The following ANKRD52 variants were observed in gnomAD, a reference collection of about 807,000 sequenced individuals.
ANKRD52 encodes the protein ankyrin repeat domain 52, also known as serine/threonine-protein phosphatase 6 regulatory ankyrin repeat subunit C.
A neutral mutation model predicts 116.0 loss-of-function variants in ANKRD52; 7 were observed. That is an observed-to-expected ratio of 0.06 (90% CI 0.03 to 0.11). ANKRD52 has a LOEUF of 0.11. Among genes scored for constraint, ANKRD52 ranks in the 10% least tolerant of loss-of-function variants. The pLI, the probability that ANKRD52 is intolerant of heterozygous loss-of-function variation, is 1.00. For synonymous variants in ANKRD52, 528 were observed against 578.1 expected (o/e 0.91, Z 1.24); for missense variants, 839 against 1,408.6 (o/e 0.60, Z 6.47).
Position 56,244,942 on chromosome 12 carries a change from C to T in ANKRD52, c.2540G>A (p.Gly847Asp), listed in dbSNP as rs553730484. 6.2e-7 allele frequency: 1 copy of T among 1,613,916 alleles called. No individual in the cohort carries two copies. The highest frequency in any genetic ancestry group is 1.3e-5 in the African/African-American group (1 of 74,996). Residue 847 changes from glycine (G) to aspartate (D), a missense_variant, in exon 23 of 28, where the codon GGT becomes GAT. Physicochemically the swap from Gly to Asp is moderately conservative, Grantham distance 94. Around this residue, in one of 2 missense-constraint regions of ANKRD52, gnomAD observed 552 missense variants for 810.6 expected, o/e 0.68. Transcript: ENST00000267116. The surrounding 1 kb of genome is among the most constrained non-coding windows in gnomAD (Gnocchi z 4.9). ...STTEMLLGAL[G>D]AKIVNSRDAK... is the part of the protein sequence containing the mutation. ...ATCTCGGCTGTTCACAATCTTGGCA[C>T]CCAGAGCTCCCAGTAGCATCTCTGT...
chr12:56,251,980 G>A (rs747201015), intron 15 of ANKRD52, 35 bp downstream of exon 15: 144 of 1,603,730 alleles, frequency 9.0e-5, no homozygotes, highest in Middle Eastern at 2.2e-4. Flanking sequence ...ATGGGTTGGG[G>A]AAAGCACATC....
At chr12:56,249,884 C>G (rs371493629) in intron 15 of ANKRD52, among the ~76,000 whole-genome samples, 4 of 152,138 alleles carry the variant, frequency 2.6e-5, no homozygotes, top group South Asian at 2.1e-4. Context: ...TACTAAAATA[C>G]AAAAAATTAG....
intron 20 of ANKRD52, 73 bp downstream of exon 20, chr12:56,247,420 C>T: frequency 8.0e-7 from 1 of 1,249,212 alleles, no homozygotes; most frequent in Non-Finnish European, 1.1e-6. Flanking sequence ...AATTGGATTC[C>T]CTACTGCTGG....
chr12:56,251,948 G>C (rs201386947), intron 15 of ANKRD52, 67 bp downstream of exon 15: 1 of 1,532,710 alleles, frequency 6.5e-7, no homozygotes, highest in Non-Finnish European at 9.0e-7. Flanking sequence ...TTAGGTAGGA[G>C]GACAGTAGGG....
At chr12:56,251,876 G>A (rs938146456) in intron 15 of ANKRD52, 139 bp downstream of exon 15, 1 of 875,140 alleles carries the variant, frequency 1.1e-6, no homozygotes, top group African/African-American at 1.7e-5. Flanking sequence ...TACACCCAGA[G>A]GGCTCAAGAC....
chr12:56,247,513 G>A lies in ANKRD52; in HGVS notation c.2164C>T (p.Arg722Cys), dbSNP rs1354066812. The A allele has an allele frequency of 7.6e-6, 12 of 1,586,450 alleles. No individual in the cohort carries two copies. The highest frequency in any genetic ancestry group is 2.7e-5 in the African/African-American group (2 of 74,438). Reference protein sequence around the residue: ...STADAADLRGRTALHRGAVTG... With the variant: ...STADAADLRGCTALHRGAVTG... ...CTCACCCCGCGGTGGAGGGCAGTGC[G>A]GCCCCGGAGGTCAGCAGCATCAGCT... is the stretch of plus-strand genomic sequence containing the variant. The change falls in exon 20 of 28, where the codon CGC (arginine) becomes TGC (cysteine). Residue 722 changes from arginine to cysteine, a missense_variant. Physicochemically the swap from Arg to Cys is radical, Grantham distance 180. This residue lies in a region of ANKRD52 where 552 missense variants were observed against 810.6 expected (regional missense o/e 0.68). Transcript: ENST00000267116.
rs577909237 is a variant in ANKRD52, at chr12:56,251,160, C to T, written c.1592+855G>A. On this transcript the variant is annotated intron_variant, in intron 15 of 27. Coordinates refer to ENST00000267116, the MANE Select transcript of ANKRD52 (RefSeq NM_173595.4). The stretch of plus-strand genomic sequence containing the variant: ...TTCACCACGTTGGCCAGGCTGGTCT[C>T]GAACTCCTGACCTCAGATGATCTGC... Among the ~76,000 whole-genome samples the T allele has an allele frequency of 9.3e-5, 14 of 151,074 alleles. No homozygotes were observed. The South Asian group carries it at 1.7e-3, about 18-fold the overall frequency.
chr12:56,254,405 AC>A lies in ANKRD52; in HGVS notation c.694-127del. 7.1e-7 allele frequency: 1 copy of A among 1,413,134 alleles called. No homozygotes were observed. Among genetic ancestry groups the A allele is most frequent in the Non-Finnish European group, 9.7e-7 (1 of 1,035,276 alleles). 87.5% of individuals were successfully genotyped at this position (1,413,134 alleles called of 1,614,324 possible). On this transcript the variant is annotated intron_variant, in intron 7 of 27. Transcript: ENST00000267116. The surrounding 1 kb of genome is among the most constrained non-coding windows in gnomAD (Gnocchi z 4.6). The stretch of plus-strand genomic sequence containing the variant: ...TCCTCTCGGGTTTATGACCCAAGGT[AC>A]TAAGGTACTAAGGGCACTATGGCTA...
At chr12:56,258,028 C>G (rs1187579307) in intron 1 of ANKRD52, 117 bp from the exon 2 acceptor site, 5 of 1,303,476 alleles carry the variant, frequency 3.8e-6, no homozygotes, top group Middle Eastern at 2.1e-4. Context: ...GGGCTCCACT[C>G]TAGGGATTCT....
chr12:56,253,875 C>A lies in ANKRD52; in HGVS notation c.907-75G>T. 1 of 1,501,554 alleles carries A rather than the reference C, an allele frequency of 6.7e-7. No individual in the cohort carries two copies. The allele number at this position is 1,501,554 out of a possible 1,614,324, so 93.0% of individuals were successfully genotyped here. A position where few individuals can be genotyped will look rare whatever the true frequency, so the allele number is the denominator to read the frequency against. ...GCACAGAGAATGCCCTACCTCCCTT[C>A]CAAGGACATATCTCTAAGGACAAAA... is the stretch of plus-strand genomic sequence containing the variant. On this transcript the variant is annotated intron_variant, in intron 8 of 27. Coordinates refer to ENST00000267116, the MANE Select transcript of ANKRD52 (RefSeq NM_173595.4). The surrounding 1 kb of genome is among the most constrained non-coding windows in gnomAD (Gnocchi z 5.5).
rs767864882 is a variant in ANKRD52, at chr12:56,247,514, G to A, written c.2163C>T (p.Gly721=). 10 of 1,587,128 alleles carry A rather than the reference G, an allele frequency of 6.3e-6. No individual in the cohort carries two copies. In the Middle Eastern group the frequency reaches 6.7e-4, roughly 107 times the overall value. ...GSTADAADLR[G]RTALHRGAVT... is the part of the protein sequence containing the mutation. ...TCACCCCGCGGTGGAGGGCAGTGCG[G>A]CCCCGGAGGTCAGCAGCATCAGCTG... Residue 721 remains glycine (G), a synonymous_variant, in exon 20 of 28, where the codon GGC becomes GGT. Transcript: ENST00000267116.
At position 56,243,954 on chromosome 12, in the gene ANKRD52, C is replaced by G. The variant is rs1871280217; in HGVS notation, c.2889-78G>C. On this transcript the variant is annotated intron_variant, in intron 26 of 27. Coordinates refer to ENST00000267116, the MANE Select transcript of ANKRD52 (RefSeq NM_173595.4). The surrounding 1 kb of genome is among the most constrained non-coding windows in gnomAD (Gnocchi z 4.6). Reference sequence around the variant, plus strand: ...CAGACAGGGTGGCAAGGGTGCTGAACAAATACAATGGGCTCCAGAGAGCCT... The same window carrying G: ...CAGACAGGGTGGCAAGGGTGCTGAAGAAATACAATGGGCTCCAGAGAGCCT... The G allele has an allele frequency of 1.2e-6, 2 of 1,602,520 alleles. No homozygotes were observed. The highest frequency in any genetic ancestry group is 1.7e-6 in the Non-Finnish European group (2 of 1,172,674).
chr12:56,242,798 G>C lies in ANKRD52; in HGVS notation c.*344C>G. 1 of 281,852 alleles carries C rather than the reference G, an allele frequency of 3.5e-6. No individual in the cohort carries two copies. Among genetic ancestry groups the C allele is most frequent in the African/African-American group, 2.2e-5 (1 of 46,510 alleles). 17.5% of individuals were successfully genotyped at this position (281,852 alleles called of 1,614,324 possible). ...CAGGGGAGAAGGGGGACACAGAGAG[G>C]AGTCCCCAGGGAAGAGTCGGGGGAG... On this transcript the variant is annotated 3_prime_UTR_variant, in exon 28 of 28. Coordinates refer to ENST00000267116, the MANE Select transcript of ANKRD52 (RefSeq NM_173595.4). The surrounding 1 kb of genome is among the most constrained non-coding windows in gnomAD (Gnocchi z 4.3).
Position 56,257,277 on chromosome 12 carries a change from T to C in ANKRD52, c.190+6A>G. 1 of 1,589,782 alleles carries C rather than the reference T, an allele frequency of 6.3e-7. No individual in the cohort carries two copies. The highest frequency in any genetic ancestry group is 8.6e-7 in the Non-Finnish European group (1 of 1,167,946). On this transcript the variant is annotated splice_donor_region_variant and intron_variant, in intron 3 of 27. Transcript: ENST00000267116. ...TGTGCCACACCTTCCAGCTCCCCAC[T>C]TTCACCTGACATCAGTAGCAACTGG...
Position 56,240,806 on chromosome 12 carries a change from G to A in ANKRD52, c.*2336C>T, listed in dbSNP as rs1053697863. 4 of 152,220 alleles carry A rather than the reference G, an allele frequency of 2.6e-5. No individual in the cohort carries two copies. The East Asian group carries it at 7.7e-4, about 29-fold the overall frequency. 9.4% of individuals were successfully genotyped at this position (152,220 alleles called of 1,614,324 possible). A position where few individuals can be genotyped will look rare whatever the true frequency, so the allele number is the denominator to read the frequency against. On this transcript the variant is annotated 3_prime_UTR_variant, in exon 28 of 28. Coordinates refer to ENST00000267116, the MANE Select transcript of ANKRD52 (RefSeq NM_173595.4). This position sits in a 1 kb window ranked among gnomAD's most constrained non-coding sequence, Gnocchi z 4.2. ...CCAGCACTGCTGACAGTGCGCTGAG[G>A]GCAGCAGGGCGCAGACAGCCCCCAG...
At position 56,245,296 on chromosome 12, in the gene ANKRD52, TC is replaced by T. The variant is rs927706051; in HGVS notation, c.2404+80del. ...ACTTCCAGATTCAGATCAACCCAGG[TC>T]CCCCCCAACAACCCACCTGTCCCCC... On this transcript the variant is annotated intron_variant, in intron 21 of 27. Transcript: ENST00000267116. 8 of 1,599,196 alleles carry T rather than the reference TC, an allele frequency of 5.0e-6. No homozygotes were observed. The South Asian group carries it at 7.7e-5, about 15-fold the overall frequency.
Position 56,237,973 on chromosome 12 carries a change from G to A in ANKRD52, c.*5169C>T, listed in dbSNP as rs980283520. 42 of 398,712 alleles carry A rather than the reference G, an allele frequency of 1.1e-4. No individual in the cohort carries two copies. In the East Asian group the frequency reaches 1.3e-3, roughly 12 times the overall value. 24.7% of individuals were successfully genotyped at this position (398,712 alleles called of 1,614,324 possible). ...GGAGGGTGCAGGGTCATTAATCTGC[G>A]GGGAGAACATTGTGCTTTAGCCCAG... On this transcript the variant is annotated 3_prime_UTR_variant, in exon 28 of 28. Transcript: ENST00000267116.
Position 56,243,093 on chromosome 12 carries a change from A to G in ANKRD52, c.*49T>C. The G allele has an allele frequency of 5.3e-6, 8 of 1,512,716 alleles. No homozygotes were observed. The highest frequency in any genetic ancestry group is 7.1e-6 in the Non-Finnish European group (8 of 1,132,210). 93.7% of individuals were successfully genotyped at this position (1,512,716 alleles called of 1,614,324 possible). On this transcript the variant is annotated 3_prime_UTR_variant, in exon 28 of 28. Transcript: ENST00000267116. The surrounding 1 kb of genome is among the most constrained non-coding windows in gnomAD (Gnocchi z 4.6). The stretch of plus-strand genomic sequence containing the variant: ...TAAATGTTTAGACTTTTTCTAAATA[A>G]ATAGAATTAGATATCAAGCCACCGG...
chr12:56,248,233 G>A lies in ANKRD52; in HGVS notation c.1777-9C>T, dbSNP rs749527584. 6.2e-7 allele frequency: 1 copy of A among 1,613,340 alleles called. No individual in the cohort carries two copies. Among genetic ancestry groups the A allele is most frequent in the Non-Finnish European group, 8.5e-7 (1 of 1,179,862 alleles). ...CAGTGACCGTTGTAGGCCTGGCAAG[G>A]TGCAGGCAACCAGTGCACACAGCTC... On this transcript the variant is annotated splice_polypyrimidine_tract_variant and intron_variant, in intron 17 of 27. Transcript: ENST00000267116. The surrounding 1 kb of genome is among the most constrained non-coding windows in gnomAD (Gnocchi z 5.1).
Sources: gnomAD v4.1 joint callset for allele counts (sites outside exome capture counted in the v4.1 genomes callset) on GRCh38, gnomAD v4.1.1 for gene constraint, gnomAD v4.1.1 regional missense constraint, Gnocchi (gnomAD v3.1) non-coding constraint, MANE v1.5 for transcripts, NCBI Gene and HGNC (gene_info 2026-07-23, HGNC 2026-07-21) for gene names.